The following PRKCZ variants were observed in gnomAD, a reference collection of about 807,000 sequenced individuals.
The protein encoded by PRKCZ is protein kinase C zeta type.
PRKCZ carries 33 observed loss-of-function variants against 79.5 expected under a neutral mutation model. The observed-to-expected ratio is 0.41, with a 90% CI of 0.31 to 0.55. The LOEUF (loss-of-function observed/expected upper bound fraction) is 0.55, where lower values mean the gene tolerates loss of function less well. PRKCZ is among the 20% of genes least tolerant of loss of function. The probability of loss-of-function intolerance (pLI) is 0.19; values close to 1 mark genes in which losing one functional copy is unlikely to be tolerated. For missense variants in PRKCZ, 578 were observed against 813.5 expected (o/e 0.71, Z 3.52); for synonymous variants, 342 against 320.9 (o/e 1.07, Z -0.70).
chr1:2,126,998 C>T (rs531484748), intron 4 of PRKCZ, among the ~76,000 whole-genome samples: 7 of 152,346 alleles, frequency 4.6e-5, no homozygotes, highest in East Asian at 3.9e-4. Flanking sequence ...CGTGAGAGGA[C>T]GGAAGTCGGC....
intron 4 of PRKCZ, chr1:2,071,654 C>G (rs1167228721): frequency 5.6e-6 from 1 of 180,046 alleles, no homozygotes; most frequent in Non-Finnish European, 1.2e-5. Context: ...TTCTGCAAAG[C>G]TGGATATTTT....
intron 5 of PRKCZ, chr1:2,143,600 C>T (rs1238099035): frequency 6.6e-6 from 1 of 152,296 alleles, no homozygotes; most frequent in East Asian, 1.9e-4. Flanking sequence ...GAAAACATCG[C>T]CAAACAAGCT....
chr1:2,130,483 A>G (rs1412975222), intron 4 of PRKCZ, among the ~76,000 whole-genome samples: 1 of 152,160 alleles, frequency 6.6e-6, no homozygotes, highest in Non-Finnish European at 1.5e-5. Flanking sequence ...CCCACCTCGG[A>G]GACCCTGTGC....
intron 4 of PRKCZ, among the ~76,000 whole-genome samples, chr1:2,108,521 C>T (rs1464521240): frequency 3.3e-5 from 5 of 152,210 alleles, no homozygotes; most frequent in South Asian, 2.1e-4. Flanking sequence ...GGGCTGGCTG[C>T]GAGGAGGAGG....
chr1:2,159,279 G>C (rs766375234), intron 10 of PRKCZ, among the ~76,000 whole-genome samples: 2 of 152,250 alleles, frequency 1.3e-5, no homozygotes, highest in Non-Finnish European at 2.9e-5. Context: ...TGGCGGAAAA[G>C]TCTGGCCTGG....
intron 4 of PRKCZ, among the ~76,000 whole-genome samples, chr1:2,114,169 G>C (rs1252217320): frequency 7.3e-6 from 1 of 137,398 alleles, no homozygotes; most frequent in African/African-American, 2.7e-5. Context: ...CCAGGAGGAC[G>C]CTCCGTCGTG....
rs1171233546 is a variant in PRKCZ at position 2,143,025 on chromosome 1, CT to C, written c.421-1164del. 4.6e-3 allele frequency: 571 copies of C among 123,260 alleles called. 2 individuals are homozygous for C. Among genetic ancestry groups the C allele is most frequent in the African/African-American group, 0.013 (423 of 32,304 alleles). The allele number at this position is 123,260 out of a possible 1,614,324, so 7.6% of individuals were successfully genotyped here. On this transcript the variant is annotated intron_variant, in intron 5 of 17. Transcript: ENST00000378567. ...TTCACAGTACACTGTATTTCCTCTT[CT>C]TTTTTTTTTTTTTTTTTTTTGAGAT...
rs1230666009 is a variant in PRKCZ at position 2,125,577 on chromosome 1, A to T, written c.335-9685A>T. ...CGTGGGGCCCTGGGCTGGCTGCAAGACGTGGAGTGACTGTGGGTCCCCGTG... is the reference window on the plus strand; with the variant it reads ...CGTGGGGCCCTGGGCTGGCTGCAAGTCGTGGAGTGACTGTGGGTCCCCGTG... On this transcript the variant is annotated intron_variant, in intron 4 of 17. Coordinates refer to ENST00000378567, the MANE Select transcript of PRKCZ (RefSeq NM_002744.6). The surrounding 1 kb of genome is among the most constrained non-coding windows in gnomAD (Gnocchi z 4.2). 6.6e-6 allele frequency among the ~76,000 whole-genome samples: 1 copy of T among 152,118 alleles called. No individual in the cohort carries two copies. The highest frequency in any genetic ancestry group is 1.5e-5 in the Non-Finnish European group (1 of 67,994).
chr1:2,166,138 G>A (rs532348243), intron 10 of PRKCZ, among the ~76,000 whole-genome samples: 70 of 152,340 alleles, frequency 4.6e-4, no homozygotes, highest in Non-Finnish European at 7.4e-5. Flanking sequence ...ATCATGGACA[G>A]GCATGTGCAG....
intron 16 of PRKCZ, among the ~76,000 whole-genome samples, chr1:2,179,839 G>C (rs1163224227): frequency 6.6e-6 from 1 of 152,182 alleles, no homozygotes; most frequent in Non-Finnish European, 1.5e-5. Flanking sequence ...GCACGTTCCT[G>C]GGAGCTCGGT....
At chr1:2,081,430 C>T (rs538991546) in intron 4 of PRKCZ, among the ~76,000 whole-genome samples, 8 of 152,244 alleles carry the variant, frequency 5.3e-5, no homozygotes, top group Admixed American at 5.2e-4. Context: ...AGGTCCCAGG[C>T]CCAGAGGTGG....
At chr1:2,171,936 T>A in intron 11 of PRKCZ, 119 bp from the exon 12 acceptor site, 1 of 1,260,314 alleles carries the variant, frequency 7.9e-7, no homozygotes. Flanking sequence ...CTGGGCCTGG[T>A]CATTGAGAGG....
intron 4 of PRKCZ, among the ~76,000 whole-genome samples, chr1:2,092,871 G>A (rs559895633): frequency 3.3e-5 from 5 of 152,310 alleles, no homozygotes; most frequent in Non-Finnish European, 7.4e-5. Context: ...ACCACACAGT[G>A]GGCCCAGCTA....
chr1:2,126,203 GGGA>G (rs1673852440), intron 4 of PRKCZ, among the ~76,000 whole-genome samples: 1 of 152,144 alleles, frequency 6.6e-6, no homozygotes, highest in African/African-American at 2.4e-5. Flanking sequence ...CTTCCTCAAT[GGGA>G]AACTTTTCTT....
At chr1:2,099,562 C>T (rs1667108039) in intron 4 of PRKCZ, among the ~76,000 whole-genome samples, 1 of 152,146 alleles carries the variant, frequency 6.6e-6, no homozygotes, top group Admixed American at 6.5e-5. Context: ...ATGAGGCTCA[C>T]AGGACTGTAC....
At chr1:2,109,220 T>C (rs1003312836) in intron 4 of PRKCZ, among the ~76,000 whole-genome samples, 7 of 152,228 alleles carry the variant, frequency 4.6e-5, no homozygotes, top group African/African-American at 1.7e-4. Flanking sequence ...CAGCTGACCA[T>C]GGGTGCTTCC....
chr1:2,135,219 G>A (rs1410251309), intron 4 of PRKCZ, 43 bp from the exon 5 acceptor site: 2 of 1,553,812 alleles, frequency 1.3e-6, no homozygotes, highest in Non-Finnish European at 1.8e-6. Flanking sequence ...TGGGCTCGTG[G>A]CTGCCACGCT....
At chr1:2,144,578 G>T in intron 6 of PRKCZ, 2 of 1,377,546 alleles carry the variant, frequency 1.5e-6, no homozygotes, top group Non-Finnish European at 1.9e-6. Context: ...TCAGGCAGCA[G>T]GCTCAGGTAG....
At chr1:2,124,841 C>T (rs185584703) in intron 4 of PRKCZ, among the ~76,000 whole-genome samples, 50 of 152,084 alleles carry the variant, frequency 3.3e-4, no homozygotes, top group Non-Finnish European at 5.0e-4. Flanking sequence ...TCTCTTCTGA[C>T]GCACTTGTCT....
Sources: allele counts gnomAD v4.1 joint callset (sites outside exome capture counted in the v4.1 genomes callset), GRCh38; gene constraint gnomAD v4.1.1; non-coding constraint Gnocchi (gnomAD v3.1); transcripts MANE v1.5; gene names NCBI Gene and HGNC (gene_info 2026-07-23, HGNC 2026-07-21).